DHDDS: variants seen among roughly 807,000 people sequenced by gnomAD.
DHDDS encodes the protein dehydrodolichyl diphosphate synthase subunit, also known as dehydrodolichyl diphosphate synthase complex subunit DHDDS.
In DHDDS, 16 loss-of-function variants were observed where a neutral mutation model predicts 46.2. That is an observed-to-expected ratio of 0.35 (90% confidence interval 0.23 to 0.53). The LOEUF (loss-of-function observed/expected upper bound fraction) is 0.53, where lower values mean the gene tolerates loss of function less well. DHDDS is among the 20% of genes least tolerant of loss of function. DHDDS has a pLI of 0.94. For missense variants in DHDDS, 340 were observed against 423.7 expected, an observed-to-expected ratio of 0.80 and a Z score of 1.73; for synonymous variants, 151 against 163.1, an observed-to-expected ratio of 0.93 and a Z score of 0.56.
In DHDDS at chr1:26,469,305, G is replaced by A; in HGVS notation, c.*174G>A. ...CCATAGATACCTTTGGGCTGCCTGG[G>A]ACAGGCTCCTGAGGAGGATTGAGGG... is the stretch of plus-strand genomic sequence containing the variant. On this transcript the variant is annotated 3_prime_UTR_variant, in exon 9 of 9. Coordinates refer to ENST00000236342, the MANE Select transcript of DHDDS (RefSeq NM_205861.3). 1 of 1,211,790 alleles carries A rather than the reference G, an allele frequency of 8.3e-7. No individual in the cohort carries two copies. Among genetic ancestry groups the A allele is most frequent in the East Asian group, 2.5e-5 (1 of 39,530 alleles). The allele number at this position is 1,211,790 out of a possible 1,614,324, so 75.1% of individuals were successfully genotyped here.
At chr1:26,450,972 A>T (rs2075313110) in intron 6 of DHDDS, among the ~76,000 whole-genome samples, 2 of 152,232 alleles carry the variant, frequency 1.3e-5, no homozygotes, top group Admixed American at 6.5e-5. Flanking sequence ...AATATGCATT[A>T]TGCCTAGGAC....
intron 1 of DHDDS, chr1:26,432,677 A>G (rs2075115993): frequency 1.9e-6 from 1 of 512,886 alleles, no homozygotes; most frequent in Non-Finnish European, 3.5e-6. Flanking sequence ...GAATGGGAAG[A>G]AGTCTGCAAA....
chr1:26,438,670 G>C, intron 3 of DHDDS: 1 of 278,868 alleles, frequency 3.6e-6, no homozygotes, highest in Non-Finnish European at 7.1e-6. Flanking sequence ...AGGCTGCAGT[G>C]AATAGAGATT....
intron 4 of DHDDS, among the ~76,000 whole-genome samples, chr1:26,445,833 G>C (rs911221582): frequency 6.6e-6 from 1 of 151,830 alleles, no homozygotes; most frequent in African/African-American, 2.4e-5. Context: ...GACCAGCCTG[G>C]CCAACATGGT....
At chr1:26,451,786 G>A (rs1291094810) in intron 6 of DHDDS, among the ~76,000 whole-genome samples, 5 of 151,864 alleles carry the variant, frequency 3.3e-5, no homozygotes, top group African/African-American at 7.3e-5. Flanking sequence ...CTGCCACCCC[G>A]CCTGGCTAAT....
intron 3 of DHDDS, 88 bp from the exon 4 acceptor site, chr1:26,442,643 C>T (rs2075229662): frequency 2.0e-6 from 3 of 1,536,288 alleles, no homozygotes; most frequent in Admixed American, 3.3e-5. Flanking sequence ...TCTCCTATCT[C>T]CAACTCTGAG....
chr1:26,462,491 C>T (rs1033685481), intron 8 of DHDDS, among the ~76,000 whole-genome samples: 1 of 152,130 alleles, frequency 6.6e-6, no homozygotes, highest in Non-Finnish European at 1.5e-5. Flanking sequence ...TTTCCTACTG[C>T]TGTCAACAGT....
rs114932435 is a variant in DHDDS at position 26,462,065 on chromosome 1, T to G, written c.765+1921T>G. ...GGATAATCACGTGCTATTTTTTGTT[T>G]TTTTTTTTTTTTAGCAGGGTCTCAC... On this transcript the variant is annotated intron_variant, in intron 8 of 8. Coordinates refer to ENST00000236342, the MANE Select transcript of DHDDS (RefSeq NM_205861.3). 3.3e-3 allele frequency among the ~76,000 whole-genome samples: 501 copies of G among 151,092 alleles called. 4 individuals carry two copies. The highest frequency in any genetic ancestry group is 0.011 in the African/African-American group (467 of 40,804).
At chr1:26,467,160 A>C (rs930062840) in intron 8 of DHDDS, 4 of 350,610 alleles carry the variant, frequency 1.1e-5, no homozygotes, top group African/African-American at 8.6e-5. Context: ...TCTGAACTGC[A>C]TGACCCTTAC....
At chr1:26,450,725 T>G (rs1198088486) in intron 6 of DHDDS, among the ~76,000 whole-genome samples, 1 of 152,060 alleles carries the variant, frequency 6.6e-6, no homozygotes, top group Admixed American at 6.5e-5. Context: ...TTAAAACAAT[T>G]AAGAGACTGG....
rs2075547286 is a variant in DHDDS at position 26,470,747 on chromosome 1, A to C, written c.*1616A>C. On this transcript the variant is annotated 3_prime_UTR_variant, in exon 9 of 9. Coordinates refer to ENST00000236342, the MANE Select transcript of DHDDS (RefSeq NM_205861.3). ...CCAATCCCTGGCACAGGGTTCCTGG[A>C]GAGCAGGTGCTGTACATTTTACAGC... 1 of 152,642 alleles carries C rather than the reference A, an allele frequency of 6.6e-6. No individual in the cohort carries two copies. The highest frequency in any genetic ancestry group is 1.5e-5 in the Non-Finnish European group (1 of 68,066). The allele number at this position is 152,642 out of a possible 1,614,324, so 9.5% of individuals were successfully genotyped here.
At chr1:26,453,517 T>A (rs927618905) in intron 6 of DHDDS, among the ~76,000 whole-genome samples, 6 of 152,058 alleles carry the variant, frequency 3.9e-5, no homozygotes, top group African/African-American at 1.4e-4. Flanking sequence ...GCACTTTAGG[T>A]GGCTGAGGCA....
In DHDDS at chr1:26,442,681, C is replaced by T. The variant is rs373047654; in HGVS notation, c.181-50C>T. ...AGGACCAAAAAGTATCTCTTATTTC[C>T]CCTTCCCACTCTTCCTTGTATCCTA... On this transcript the variant is annotated intron_variant, in intron 3 of 8. Transcript: ENST00000236342. The T allele has an allele frequency of 3.1e-6, 5 of 1,610,554 alleles. No individual in the cohort carries two copies. In the African/African-American group the frequency reaches 6.7e-5, roughly 22 times the overall value.
intron 6 of DHDDS, chr1:26,448,144 T>C (rs1253990355): frequency 5.6e-5 from 11 of 195,854 alleles, no homozygotes; most frequent in Non-Finnish European, 1.2e-4. Flanking sequence ...TAGAGTTCTT[T>C]AGGTCTCTCA....
At chr1:26,456,102 A>G (rs906475125) in intron 6 of DHDDS, among the ~76,000 whole-genome samples, 1 of 152,244 alleles carries the variant, frequency 6.6e-6, no homozygotes, top group Non-Finnish European at 1.5e-5. Context: ...TGCTTGGGAA[A>G]GTAGCTCTTA....
At chr1:26,449,090 T>A (rs2075295602) in intron 6 of DHDDS, among the ~76,000 whole-genome samples, 1 of 151,748 alleles carries the variant, frequency 6.6e-6, no homozygotes, top group Non-Finnish European at 1.5e-5. Flanking sequence ...ATTTATTTAT[T>A]TTTATTTTTT....
At chr1:26,432,807 C>T (rs2075117079) in intron 1 of DHDDS, 84 bp from the exon 2 acceptor site, 1 of 807,826 alleles carries the variant, frequency 1.2e-6, no homozygotes, top group African/African-American at 1.7e-5. Context: ...GGCTGCTCTC[C>T]ATAGTCCATC....
rs1187534009 is a variant in DHDDS, at chr1:26,434,260, C to A, written c.63+1252C>A. On this transcript the variant is annotated intron_variant, in intron 2 of 8. Coordinates refer to ENST00000236342, the MANE Select transcript of DHDDS (RefSeq NM_205861.3). ...ACAGCAATATTATATCTGCCTAAGACAGGTTTGAGATTGGGGCCAGTCAGC... is the reference window on the plus strand; with the variant it reads ...ACAGCAATATTATATCTGCCTAAGAAAGGTTTGAGATTGGGGCCAGTCAGC... Among the ~76,000 whole-genome samples the A allele has an allele frequency of 3.9e-5, 6 of 152,318 alleles. No homozygotes were observed. In the East Asian group the frequency reaches 7.7e-4, roughly 20 times the overall value.
intron 8 of DHDDS, chr1:26,467,224 G>A (rs772552566): frequency 2.3e-6 from 1 of 431,144 alleles, no homozygotes; most frequent in Non-Finnish European, 4.9e-6. Context: ...CAATCAGCCT[G>A]TAAGCACCTG....
Sources: allele counts gnomAD v4.1 joint callset (sites outside exome capture counted in the v4.1 genomes callset), GRCh38; gene constraint gnomAD v4.1.1; transcripts MANE v1.5; gene names NCBI Gene and HGNC (gene_info 2026-07-23, HGNC 2026-07-21).